The following ADAMTS10 variants were observed in gnomAD, a reference collection of about 807,000 sequenced individuals.
ADAMTS10 encodes A disintegrin and metalloproteinase with thrombospondin motifs 10.
ADAMTS10 carries 48 observed loss-of-function variants against 135.9 expected under a neutral mutation model. The observed-to-expected ratio is 0.35, with a 90% CI of 0.28 to 0.45. The LOEUF (loss-of-function observed/expected upper bound fraction) is 0.45, where lower values mean the gene tolerates loss of function less well. Ranked by LOEUF, ADAMTS10 falls within the 20% of genes least tolerant of loss-of-function variation. ADAMTS10 has a pLI of 1.00. For missense variants in ADAMTS10, 1,131 were observed against 1,565.2 expected (o/e 0.72, Z 4.68); for synonymous variants, 621 against 647.5 (o/e 0.96, Z 0.62).
intron 4 of ADAMTS10, among the ~76,000 whole-genome samples, chr19:8,604,282 C>T (rs2042696721): frequency 1.3e-5 from 2 of 151,172 alleles, no homozygotes; most frequent in Admixed American, 6.6e-5. Flanking sequence ...AGGCTGGTCT[C>T]GAATTCCTGG....
At position 8,595,802 on chromosome 19, in the gene ADAMTS10, C is replaced by G; in HGVS notation, c.1439G>C (p.Arg480Pro). 1 of 1,614,132 alleles carries G rather than the reference C, an allele frequency of 6.2e-7. No individual in the cohort carries two copies. The highest frequency in any genetic ancestry group is 8.5e-7 in the Non-Finnish European group (1 of 1,180,028). ...ACGCGATTTGACTCCATGCTGAAAGCGGCATTGCTCATCTGCATCGTAGGC... is the reference window on the plus strand; with the variant it reads ...ACGCGATTTGACTCCATGCTGAAAGGGGCATTGCTCATCTGCATCGTAGGC... ...GQAYDADEQC[R>P]FQHGVKSRQC... Residue 480 changes from arginine to proline, a missense_variant, in exon 12 of 26, where the codon CGC (arginine) becomes CCC (proline). Transcript: ENST00000597188.
Position 8,592,038 on chromosome 19 carries a change from C to T in ADAMTS10, c.1653G>A (p.Gly551=), listed in dbSNP as rs1339985228. The change falls in exon 14 of 26, where the codon GGG becomes GGA. Residue 551 remains glycine, a synonymous_variant. Coordinates refer to ENST00000597188, the MANE Select transcript of ADAMTS10 (RefSeq NM_030957.4). ...TGCAGTCGCCCCATGGAGTCCACGG[C>T]CCCCAGGCTCCGTCCACACCCTCTG... ...SRPEGVDGAW[G]PWTPWGDCSR... is the part of the protein sequence containing the mutation. 3 of 1,613,476 alleles carry T rather than the reference C, an allele frequency of 1.9e-6. No homozygotes were observed. Among genetic ancestry groups the T allele is most frequent in the Non-Finnish European group, 2.5e-6 (3 of 1,179,776 alleles).
intron 18 of ADAMTS10, among the ~76,000 whole-genome samples, chr19:8,588,992 A>G (rs2042478745): frequency 6.6e-6 from 1 of 152,068 alleles, no homozygotes; most frequent in African/African-American, 2.4e-5. Flanking sequence ...GGGTTTCACC[A>G]TGTTGGCCAG....
chr19:8,592,167 C>T lies in ADAMTS10; in HGVS notation c.1588-64G>A, dbSNP rs527630228. 3.1e-6 allele frequency: 5 copies of T among 1,611,718 alleles called. No homozygotes were observed. The African/African-American group carries it at 5.3e-5, about 17-fold the overall frequency. ...GAGGACACTCGTCGGCCCCATGCAC[C>T]GTTCCCCACTCCAGGCCCCAGCCAG... On this transcript the variant is annotated intron_variant, in intron 13 of 25. Transcript: ENST00000597188.
chr19:8,588,636 C>T (rs782483618), intron 18 of ADAMTS10, among the ~76,000 whole-genome samples: 16 of 152,162 alleles, frequency 1.1e-4, no homozygotes, highest in African/African-American at 3.9e-4. Context: ...CTCTGAATAT[C>T]CCCTCCCGTA....
At chr19:8,600,684 G>C (rs1385359254) in intron 6 of ADAMTS10, among the ~76,000 whole-genome samples, 3 of 151,900 alleles carry the variant, frequency 2.0e-5, no homozygotes, top group Non-Finnish European at 4.4e-5. Context: ...ATTTTTAGTA[G>C]AGATGGGGTT....
chr19:8,595,808 T>A lies in ADAMTS10; in HGVS notation c.1433A>T (p.Gln478Leu), dbSNP rs2042596189. 6.2e-7 allele frequency: 1 copy of A among 1,614,062 alleles called. No individual in the cohort carries two copies. Among genetic ancestry groups the A allele is most frequent in the Non-Finnish European group, 8.5e-7 (1 of 1,180,032 alleles). The change falls in exon 12 of 26, where the codon CAA (glutamine) becomes CTA (leucine). Residue 478 changes from glutamine to leucine, a missense_variant. By Grantham distance (113) the Gln-to-Leu change is moderately radical. Coordinates refer to ENST00000597188, the MANE Select transcript of ADAMTS10 (RefSeq NM_030957.4). Reference sequence around the variant, plus strand: ...TTTGACTCCATGCTGAAAGCGGCATTGCTCATCTGCATCGTAGGCTTGGCC... The same window carrying A: ...TTTGACTCCATGCTGAAAGCGGCATAGCTCATCTGCATCGTAGGCTTGGCC... ...APGQAYDADEQCRFQHGVKSR... is the reference protein window; with the variant it reads ...APGQAYDADELCRFQHGVKSR...
rs1320958409 is a variant in ADAMTS10, at chr19:8,581,002, T to C, written c.3203A>G (p.Glu1068Gly). The change falls in exon 26 of 26, where the codon GAG (glutamate) becomes GGG (glycine). Residue 1068 changes from glutamate (E) to glycine (G), a missense_variant and splice_region_variant. Coordinates refer to ENST00000597188, the MANE Select transcript of ADAMTS10 (RefSeq NM_030957.4). ...DSPTPGDGPE[E>G]CKDVNKVAYC... ...GGCGACCTTGTTCACATCCTTGCAC[T>C]CTGCGGGGACGGGAGAAGGAAGGAA... is the stretch of plus-strand genomic sequence containing the variant. The C allele has an allele frequency of 6.2e-7, 1 of 1,610,566 alleles. No individual in the cohort carries two copies. Among genetic ancestry groups the C allele is most frequent in the African/African-American group, 1.3e-5 (1 of 74,914 alleles).
In ADAMTS10 at chr19:8,592,093, T is replaced by C. The variant is rs949655877; in HGVS notation, c.1598A>G (p.Lys533Arg). ...THTIDKGWCY[K>R]RVCVPFGSRP... ...CGACCCAAAGGGGACACAGACCCGT[T>C]TGTAGCACCACTGGGTGGGGGGAGA... The change falls in exon 14 of 26, where the codon AAA becomes AGA. Residue 533 changes from lysine (K) to arginine (R), a missense_variant. Transcript: ENST00000597188. The C allele has an allele frequency of 5.0e-6, 8 of 1,613,594 alleles. No individual in the cohort carries two copies. The Admixed American group carries it at 5.0e-5, about 10-fold the overall frequency.
At chr19:8,603,580 C>A in intron 5 of ADAMTS10, 148 bp downstream of exon 5, 1 of 1,307,056 alleles carries the variant, frequency 7.7e-7, no homozygotes, top group South Asian at 1.3e-5. Flanking sequence ...GGCCGGAACT[C>A]CATAATTATA....
At chr19:8,582,585 G>A (rs1255288411) in intron 25 of ADAMTS10, 1 of 152,154 alleles carries the variant, frequency 6.6e-6, no homozygotes, top group Admixed American at 6.5e-5. Context: ...GATGTCTGTT[G>A]ATGACTATGG....
Position 8,586,416 on chromosome 19 carries a change from C to T in ADAMTS10, c.2458G>A (p.Ala820Thr), listed in dbSNP as rs1555737189. 9 of 1,613,924 alleles carry T rather than the reference C, an allele frequency of 5.6e-6. No individual in the cohort carries two copies. The highest frequency in any genetic ancestry group is 1.7e-5 in the Admixed American group (1 of 60,004). The change falls in exon 21 of 26, where the codon GCC (alanine) becomes ACC (threonine). Residue 820 changes from alanine to threonine, a missense_variant. By Grantham distance (58) the Ala-to-Thr change is moderately conservative. Around this residue, in one of 3 missense-constraint regions of ADAMTS10, gnomAD observed 745 missense variants for 1,056.3 expected, o/e 0.71. Coordinates refer to ENST00000597188, the MANE Select transcript of ADAMTS10 (RefSeq NM_030957.4). ...ALRYRFNAPI[A>T]RDSLPPYSWH... ...GAGTAGGGGGGCAGCGAGTCACGGG[C>T]GATGGGGGCATTGAAGCGGTAGCGG...
chr19:8,604,982 T>TC (rs782446685), intron 4 of ADAMTS10, 30 bp downstream of exon 4: 3 of 1,562,026 alleles, frequency 1.9e-6, no homozygotes, highest in East Asian at 2.4e-5. Flanking sequence ...TATGGGCATT[T>TC]CCCCCCGCGT....
In ADAMTS10 at chr19:8,585,479, A is replaced by G. The variant is rs562193028; in HGVS notation, c.2842T>C (p.Trp948Arg). ...ACCTCAGACCAGTCGAGGGCCGCCC[A>G]CTCCGGAGGGCAAGTGGGGCCGTGG... ...ACHGPTCPPE[W>R]AALDWSECTP... The change falls in exon 23 of 26, where the codon TGG (tryptophan) becomes CGG (arginine). Residue 948 changes from tryptophan (W) to arginine (R), a missense_variant. Coordinates refer to ENST00000597188, the MANE Select transcript of ADAMTS10 (RefSeq NM_030957.4). 1 of 1,536,482 alleles carries G rather than the reference A, an allele frequency of 6.5e-7. No homozygotes were observed. Among genetic ancestry groups the G allele is most frequent in the South Asian group, 1.2e-5 (1 of 83,894 alleles).
At chr19:8,604,203 AAT>A (rs1261020557) in intron 4 of ADAMTS10, among the ~76,000 whole-genome samples, 1 of 151,200 alleles carries the variant, frequency 6.6e-6, no homozygotes, top group African/African-American at 2.4e-5. Context: ...GGAGCACACC[AAT>A]ATGTTTGGCT....
chr19:8,598,273 C>T (rs1448836814), intron 6 of ADAMTS10, among the ~76,000 whole-genome samples: 1 of 152,150 alleles, frequency 6.6e-6, no homozygotes, highest in Non-Finnish European at 1.5e-5. Flanking sequence ...CCAAGCTCAG[C>T]TTATCTACTT....
chr19:8,597,216 G>C lies in ADAMTS10; in HGVS notation c.894+18C>G. On this transcript the variant is annotated intron_variant, in intron 7 of 25. Transcript: ENST00000597188. ...GCTGGTATGAAGGGGAAGGGGAAGG[G>C]GAGGAAGTCCCCCGCACCTGGTCCT... 6.2e-7 allele frequency: 1 copy of C among 1,614,106 alleles called. No homozygotes were observed. The highest frequency in any genetic ancestry group is 8.5e-7 in the Non-Finnish European group (1 of 1,180,020).
chr19:8,586,223 G>A lies in ADAMTS10; in HGVS notation c.2559C>T (p.Arg853=), dbSNP rs781849936. 4 of 1,613,040 alleles carry A rather than the reference G, an allele frequency of 2.5e-6. No individual in the cohort carries two copies. Among genetic ancestry groups the A allele is most frequent in the Non-Finnish European group, 2.5e-6 (3 of 1,179,904 alleles). The change falls in exon 22 of 26, where the codon CGC becomes CGT. Residue 853 remains arginine, a synonymous_variant. Transcript: ENST00000597188. ...CGACCGCGGAGCTGTCCAGCTGGTT[G>A]CGGCACTCCACCGCCTGCACCTGGC... ...GGSQVQAVEC[R]NQLDSSAVAP... is the part of the protein sequence containing the mutation.
chr19:8,596,927 A>G lies in ADAMTS10; in HGVS notation c.1040+60T>C. On this transcript the variant is annotated intron_variant, in intron 8 of 25. Transcript: ENST00000597188. This position sits in a 1 kb window ranked among gnomAD's most constrained non-coding sequence, Gnocchi z 7.2. ...AGAAGTGATCTCTGTTTGGACTCTC[A>G]TGGTTCCCTGGACCATCTGTTTTCT... 1 of 1,603,124 alleles carries G rather than the reference A, an allele frequency of 6.2e-7. No individual in the cohort carries two copies. The highest frequency in any genetic ancestry group is 2.2e-5 in the East Asian group (1 of 44,854).
Sources: allele counts gnomAD v4.1 joint callset (sites outside exome capture counted in the v4.1 genomes callset), GRCh38; gene constraint gnomAD v4.1.1; regional missense constraint gnomAD v4.1.1; non-coding constraint Gnocchi (gnomAD v3.1); transcripts MANE v1.5; gene names NCBI Gene and HGNC (gene_info 2026-07-23, HGNC 2026-07-21).